Variants in CNR1 observed in about 807,000 individuals in gnomAD.
CNR1 encodes cannabinoid receptor 1 (brain).
CNR1 carries 10 observed loss-of-function variants against 23.0 expected under a neutral mutation model. The ratio of observed to expected loss-of-function variants is 0.43; its 90% confidence interval spans 0.27 to 0.74. The LOEUF (loss-of-function observed/expected upper bound fraction) is 0.74, where lower values mean the gene tolerates loss of function less well. CNR1 is among the 30% of genes least tolerant of loss of function. The pLI is 0.19. For synonymous variants in CNR1, 271 were observed against 255.2 expected (o/e 1.06, Z -0.59); for missense variants, 422 against 618.8 (o/e 0.68, Z 3.37).
intron 1 of CNR1, among the ~76,000 whole-genome samples, chr6:88,147,382 G>C (rs1777258394): frequency 6.6e-6 from 1 of 152,194 alleles, no homozygotes. Context: ...GAAATTAAAA[G>C]AAAGCATGGG....
chr6:88,142,361 T>C lies in CNR1; in HGVS notation c.*1495A>G, dbSNP rs1676495992. On this transcript the variant is annotated 3_prime_UTR_variant, in exon 2 of 2. Coordinates refer to ENST00000369501, the MANE Select transcript of CNR1 (RefSeq NM_016083.6). Reference sequence around the variant, plus strand: ...AGTGCATACTATCTACACACGCTATTGAAAAATGTTACCATTGTTTTTCTG... The same window carrying C: ...AGTGCATACTATCTACACACGCTATCGAAAAATGTTACCATTGTTTTTCTG... 6.6e-6 allele frequency: 1 copy of C among 150,736 alleles called. No individual in the cohort carries two copies. The highest frequency in any genetic ancestry group is 1.5e-5 in the Non-Finnish European group (1 of 67,666). 9.3% of individuals were successfully genotyped at this position (150,736 alleles called of 1,614,324 possible).
rs1374490367 is a variant in CNR1 at position 88,142,449 on chromosome 6, T to C, written c.*1407A>G. On this transcript the variant is annotated 3_prime_UTR_variant, in exon 2 of 2. Transcript: ENST00000369501. ...AATATTCGGTGCTCAGAAACCAAAG[T>C]ACTCTCCTTTCCTGGCAATAACACT... The C allele has an allele frequency of 6.6e-6, 1 of 152,394 alleles. No individual in the cohort carries two copies. Among genetic ancestry groups the C allele is most frequent in the Non-Finnish European group, 1.5e-5 (1 of 68,040 alleles). The allele number at this position is 152,394 out of a possible 1,614,324, so 9.4% of individuals were successfully genotyped here. A position where few individuals can be genotyped will look rare whatever the true frequency, so the allele number is the denominator to read the frequency against.
chr6:88,146,453 G>A (rs1275913693), intron 1 of CNR1, among the ~76,000 whole-genome samples: 1 of 152,168 alleles, frequency 6.6e-6, no homozygotes, highest in Non-Finnish European at 1.5e-5. Flanking sequence ...CCTCCTGATA[G>A]TCCCCTTCAT....
rs945740235 is a variant in CNR1 at position 88,140,706 on chromosome 6, G to A, written c.*3150C>T. ...GTAACTATAGCGCTACTCATCCAGG[G>A]CCTAATTCTCATCTGGTGGTTGGGC... On this transcript the variant is annotated 3_prime_UTR_variant, in exon 2 of 2. Coordinates refer to ENST00000369501, the MANE Select transcript of CNR1 (RefSeq NM_016083.6). The A allele has an allele frequency of 2.0e-5, 3 of 152,254 alleles. No individual in the cohort carries two copies. Among genetic ancestry groups the A allele is most frequent in the Non-Finnish European group, 4.4e-5 (3 of 68,006 alleles). The allele number at this position is 152,254 out of a possible 1,614,324, so 9.4% of individuals were successfully genotyped here.
At chr6:88,153,802 C>T (rs1247600414) in intron 1 of CNR1, among the ~76,000 whole-genome samples, 3 of 152,300 alleles carry the variant, frequency 2.0e-5, no homozygotes, top group African/African-American at 7.2e-5. Flanking sequence ...CTAAGTCATG[C>T]TGTCAATATA....
chr6:88,150,404 G>A (rs1481752829), intron 1 of CNR1, among the ~76,000 whole-genome samples: 2 of 152,012 alleles, frequency 1.3e-5, no homozygotes. Context: ...GATACTCCAT[G>A]CATATTCAAA....
At chr6:88,162,309 A>T (rs1476158719) in intron 1 of CNR1, among the ~76,000 whole-genome samples, 1 of 152,260 alleles carries the variant, frequency 6.6e-6, no homozygotes, top group Admixed American at 6.5e-5. Context: ...CATGATTTAC[A>T]TCTATAAAAA....
intron 1 of CNR1, among the ~76,000 whole-genome samples, chr6:88,152,805 C>T (rs1013229440): frequency 6.6e-6 from 1 of 152,092 alleles, no homozygotes; most frequent in African/African-American, 2.4e-5. Flanking sequence ...TTATTTTTTG[C>T]ATCAACAACT....
At chr6:88,161,400 ATTAAG>A (rs1009003431) in intron 1 of CNR1, among the ~76,000 whole-genome samples, 13 of 152,318 alleles carry the variant, frequency 8.5e-5, no homozygotes, top group African/African-American at 9.6e-5. Flanking sequence ...TTCCATGGTG[ATTAAG>A]TTATTAGCTT....
chr6:88,152,161 G>A (rs574460730), intron 1 of CNR1, among the ~76,000 whole-genome samples: 6 of 146,798 alleles, frequency 4.1e-5, no homozygotes, highest in African/African-American at 1.5e-4. Flanking sequence ...CTTGCAGTGA[G>A]CCGAGATCCC....
intron 1 of CNR1, among the ~76,000 whole-genome samples, chr6:88,160,772 G>A (rs1482458584): frequency 1.3e-5 from 2 of 152,060 alleles, no homozygotes; most frequent in African/African-American, 4.8e-5. Context: ...AGAATTTATC[G>A]CTAGCTTGAA....
At chr6:88,150,044 C>T (rs1777434765) in intron 1 of CNR1, among the ~76,000 whole-genome samples, 7 of 152,124 alleles carry the variant, frequency 4.6e-5, no homozygotes, top group Admixed American at 4.6e-4. Context: ...TTGCATTTGC[C>T]TTTTTCTTAA....
intron 1 of CNR1, among the ~76,000 whole-genome samples, chr6:88,148,533 G>T (rs1259756921): frequency 1.3e-5 from 2 of 151,876 alleles, no homozygotes; most frequent in Non-Finnish European, 2.9e-5. Flanking sequence ...AGAAGGGGAA[G>T]GATTCTCCCA....
chr6:88,143,210 G>T lies in CNR1; in HGVS notation c.*646C>A, dbSNP rs975141566. On this transcript the variant is annotated 3_prime_UTR_variant, in exon 2 of 2. Transcript: ENST00000369501. Reference sequence around the variant, plus strand: ...GGTAACAGAAAAATAAACCTTTACGGTTATTTCAGTGTCAAAATTAAATAG... The same window carrying T: ...GGTAACAGAAAAATAAACCTTTACGTTTATTTCAGTGTCAAAATTAAATAG... 1 of 152,256 alleles carries T rather than the reference G, an allele frequency of 6.6e-6. No individual in the cohort carries two copies. The highest frequency in any genetic ancestry group is 2.4e-5 in the African/African-American group (1 of 41,420). 9.4% of individuals were successfully genotyped at this position (152,256 alleles called of 1,614,324 possible).
chr6:88,160,282 T>C (rs1402398863), intron 1 of CNR1, among the ~76,000 whole-genome samples: 1 of 152,132 alleles, frequency 6.6e-6, no homozygotes, highest in Non-Finnish European at 1.5e-5. Flanking sequence ...ACAGTGAGAC[T>C]CTATTTCAAA....
chr6:88,150,863 G>A (rs1205943210), intron 1 of CNR1, among the ~76,000 whole-genome samples: 1 of 152,182 alleles, frequency 6.6e-6, no homozygotes, highest in Admixed American at 6.5e-5. Context: ...GCAAACATAA[G>A]TTTGCAAGGA....
upstream of CNR1, among the ~76,000 whole-genome samples, chr6:88,167,248 G>T (rs966993372): frequency 3.3e-5 from 5 of 151,974 alleles, no homozygotes; most frequent in Non-Finnish European, 7.4e-5. Flanking sequence ...TGGGACTCGG[G>T]GGCGGCAGCG....
chr6:88,152,149 A>C, intron 1 of CNR1, among the ~76,000 whole-genome samples: 1 of 147,492 alleles, frequency 6.8e-6, no homozygotes. Context: ...CGGGAGGCGG[A>C]GCTTGCAGTG....
intron 1 of CNR1, among the ~76,000 whole-genome samples, chr6:88,156,347 A>G (rs914446946): frequency 6.6e-6 from 1 of 152,132 alleles, no homozygotes; most frequent in African/African-American, 2.4e-5. Context: ...TTTTTCTGTG[A>G]TAGATGACCC....
Sources: gnomAD v4.1 joint callset for allele counts (sites outside exome capture counted in the v4.1 genomes callset) on GRCh38, gnomAD v4.1.1 for gene constraint, MANE v1.5 for transcripts, NCBI Gene and HGNC (gene_info 2026-07-23, HGNC 2026-07-21) for gene names.